The following SNX13 variants were observed in gnomAD, a reference collection of about 807,000 sequenced individuals.
The protein encoded by SNX13 is sorting nexin 13.
SNX13 carries 45 observed loss-of-function variants against 133.6 expected under a neutral mutation model. The ratio of observed to expected loss-of-function variants is 0.34; its 90% CI spans 0.27 to 0.43. SNX13 has a LOEUF of 0.43. Among genes scored for constraint, SNX13 ranks in the 20% least tolerant of loss-of-function variants. The pLI, the probability that SNX13 is intolerant of heterozygous loss-of-function variation, is 1.00. For synonymous variants in SNX13, 414 were observed against 373.9 expected, an observed-to-expected ratio of 1.11 and a Z score of -1.24; for missense variants, 1,032 against 1,145.1, an observed-to-expected ratio of 0.90 and a Z score of 1.43.
intron 1 of SNX13, among the ~76,000 whole-genome samples, chr7:17,912,852 C>A (rs1799141555): frequency 6.6e-6 from 1 of 152,158 alleles, no homozygotes; most frequent in Non-Finnish European, 1.5e-5. Flanking sequence ...CCCTCACAGT[C>A]AGAATTGAGT....
intron 20 of SNX13, among the ~76,000 whole-genome samples, chr7:17,812,948 CA>C (rs755256726): frequency 2.6e-5 from 4 of 151,842 alleles, no homozygotes; most frequent in Non-Finnish European, 4.4e-5. Context: ...AGGGAAACAT[CA>C]TACACCGGGC....
chr7:17,825,299 C>CTAGAT (rs1384569609), intron 17 of SNX13, among the ~76,000 whole-genome samples: 4 of 150,114 alleles, frequency 2.7e-5, no homozygotes, highest in African/African-American at 9.8e-5. Context: ...CTAGACTAGA[C>CTAGAT]TAGACTAGAC....
chr7:17,896,485 T>C (rs1797232072), intron 2 of SNX13, among the ~76,000 whole-genome samples: 1 of 152,126 alleles, frequency 6.6e-6, no homozygotes, highest in South Asian at 2.1e-4. Flanking sequence ...CAAGCTACTG[T>C]TTATATATGC....
chr7:17,909,322 C>T (rs926057689), intron 1 of SNX13, among the ~76,000 whole-genome samples: 28 of 152,182 alleles, frequency 1.8e-4, no homozygotes, highest in African/African-American at 5.5e-4. Context: ...GGCAGAAATA[C>T]GACTTGACCC....
At chr7:17,893,631 A>G (rs1037394640) in intron 2 of SNX13, among the ~76,000 whole-genome samples, 197 bp from the exon 3 acceptor site, 4 of 152,208 alleles carry the variant, frequency 2.6e-5, no homozygotes, top group African/African-American at 9.7e-5. Context: ...CATTTTGTGA[A>G]TTATACAATA....
In SNX13 at chr7:17,791,199, C is replaced by T. The variant is rs893207747; in HGVS notation, c.*2846G>A. On this transcript the variant is annotated 3_prime_UTR_variant, in exon 26 of 26. Coordinates refer to ENST00000428135, the MANE Select transcript of SNX13 (RefSeq NM_015132.5). The stretch of plus-strand genomic sequence containing the variant: ...CATTTATCTTACAATTACTCAAATA[C>T]ACATGCATTAAATGAAAATATTGCA... 6.6e-6 allele frequency: 1 copy of T among 151,900 alleles called. No homozygotes were observed. The highest frequency in any genetic ancestry group is 1.5e-5 in the Non-Finnish European group (1 of 67,872). 9.4% of individuals were successfully genotyped at this position (151,900 alleles called of 1,614,324 possible).
At chr7:17,877,815 A>G (rs1280604307) in intron 5 of SNX13, among the ~76,000 whole-genome samples, 1 of 152,042 alleles carries the variant, frequency 6.6e-6, no homozygotes, top group African/African-American at 2.4e-5. Context: ...TAGGAAAAAC[A>G]GTACCGATAT....
At position 17,793,273 on chromosome 7, in the gene SNX13, T is replaced by A. The variant is rs1339741313; in HGVS notation, c.*772A>T. 3 of 152,346 alleles carry A rather than the reference T, an allele frequency of 2.0e-5. No individual in the cohort carries two copies. In the Admixed American group the frequency reaches 2.0e-4, roughly 10 times the overall value. 9.4% of individuals were successfully genotyped at this position (152,346 alleles called of 1,614,324 possible). A position where few individuals can be genotyped will look rare whatever the true frequency, so the allele number is the denominator to read the frequency against. ...AGATAAAACTAATAATTTTGAAATT[T>A]AAATGAGAGCCACCACATGCTTCTT... is the stretch of plus-strand genomic sequence containing the variant. On this transcript the variant is annotated 3_prime_UTR_variant, in exon 26 of 26. Coordinates refer to ENST00000428135, the MANE Select transcript of SNX13 (RefSeq NM_015132.5).
chr7:17,890,328 A>T (rs777720569), intron 5 of SNX13, 35 bp downstream of exon 5: 1 of 1,591,560 alleles, frequency 6.3e-7, no homozygotes, highest in Non-Finnish European at 8.5e-7. Context: ...CATACATCTA[A>T]ATTTTTCTGC....
intron 13 of SNX13, among the ~76,000 whole-genome samples, chr7:17,838,455 G>A (rs1789419463): frequency 6.6e-6 from 1 of 151,514 alleles, no homozygotes; most frequent in Non-Finnish European, 1.5e-5. Context: ...TTTTCACTAT[G>A]GTTTTTCTGT....
intron 1 of SNX13, among the ~76,000 whole-genome samples, chr7:17,933,645 G>A (rs1475186609): frequency 6.6e-6 from 1 of 150,806 alleles, no homozygotes; most frequent in Admixed American, 6.6e-5. Context: ...ACTTCTTTTA[G>A]TCTATTCCCT....
At chr7:17,814,990 G>C in intron 19 of SNX13, 46 bp from the exon 20 acceptor site, 1 of 1,330,966 alleles carries the variant, frequency 7.5e-7, no homozygotes. Context: ...TAAACTGACA[G>C]AATGCTAGAA....
chr7:17,910,892 C>A (rs540051591), intron 1 of SNX13, among the ~76,000 whole-genome samples: 1 of 152,052 alleles, frequency 6.6e-6, no homozygotes, highest in African/African-American at 2.4e-5. Flanking sequence ...CGGGCTGGGG[C>A]GGAAGAGGAA....
At chr7:17,905,771 C>T (rs768250786) in intron 1 of SNX13, among the ~76,000 whole-genome samples, 28 of 152,240 alleles carry the variant, frequency 1.8e-4, no homozygotes, top group Admixed American at 3.3e-4. Context: ...TTTAGTGAAC[C>T]TAAGCCCAAC....
intron 1 of SNX13, among the ~76,000 whole-genome samples, chr7:17,931,674 G>C (rs1801403133): frequency 1.3e-5 from 2 of 152,186 alleles, no homozygotes; most frequent in African/African-American, 4.8e-5. Context: ...ATTCACCTTA[G>C]GGTCTTCACA....
intron 11 of SNX13, among the ~76,000 whole-genome samples, chr7:17,846,855 G>A (rs1790603193): frequency 6.6e-6 from 1 of 152,094 alleles, no homozygotes; most frequent in African/African-American, 2.4e-5. Flanking sequence ...ACAGATACAG[G>A]ATGGAAGGAA....
At chr7:17,849,438 C>T (rs1370006017) in intron 11 of SNX13, among the ~76,000 whole-genome samples, 5 of 152,086 alleles carry the variant, frequency 3.3e-5, no homozygotes, top group Non-Finnish European at 1.5e-5. Context: ...TCCATTCTTA[C>T]CCCCATCATC....
At chr7:17,871,706 T>C (rs555641639) in intron 8 of SNX13, among the ~76,000 whole-genome samples, 4 of 152,334 alleles carry the variant, frequency 2.6e-5, no homozygotes, top group African/African-American at 9.6e-5. Context: ...TCCTTGGCTA[T>C]AAATCCCAAC....
chr7:17,833,431 T>A (rs979693604), intron 15 of SNX13, among the ~76,000 whole-genome samples: 5 of 151,642 alleles, frequency 3.3e-5, no homozygotes, highest in Non-Finnish European at 5.9e-5. Flanking sequence ...ATTTAAGCAG[T>A]TGGACAACTT....
Sources: allele counts gnomAD v4.1 joint callset (sites outside exome capture counted in the v4.1 genomes callset), GRCh38; gene constraint gnomAD v4.1.1; transcripts MANE v1.5; gene names NCBI Gene and HGNC (gene_info 2026-07-23, HGNC 2026-07-21).